SEC24B: variants seen among roughly 807,000 people sequenced by gnomAD.
The protein encoded by SEC24B is SEC24 homolog B, COPII component, also known as protein transport protein Sec24B.
A neutral mutation model predicts 142.8 loss-of-function variants in SEC24B; 45 were observed. The ratio of observed to expected loss-of-function variants is 0.32; its 90% CI spans 0.25 to 0.40. The LOEUF is 0.40. Ranked by LOEUF, SEC24B falls within the 10% of genes least tolerant of loss-of-function variation. The pLI, the probability that SEC24B is intolerant of heterozygous loss-of-function variation, is 1.00. For missense variants in SEC24B, 1,409 were observed against 1,526.8 expected (o/e 0.92, Z 1.29); for synonymous variants, 574 against 568.2 (o/e 1.01, Z -0.15).
rs549249076 is a variant in SEC24B, at chr4:109,521,135, C to T, written c.2264C>T (p.Pro755Leu). 119 of 1,516,930 alleles carry T rather than the reference C, an allele frequency of 7.8e-5. No individual in the cohort carries two copies. Among genetic ancestry groups the T allele is most frequent in the East Asian group, 2.5e-4 (11 of 44,260 alleles). The allele number at this position is 1,516,930 out of a possible 1,614,324, so 94.0% of individuals were successfully genotyped here. A position where few individuals can be genotyped will look rare whatever the true frequency, so the allele number is the denominator to read the frequency against. Residue 755 changes from proline to leucine, a missense_variant, in exon 13 of 24, where the codon CCG becomes CTG. Coordinates refer to ENST00000265175, the MANE Select transcript of SEC24B (RefSeq NM_006323.5). ...CCTATAGATGTTTTTCTACCTACAC[C>T]GGATAGTTTACTTGTGAATCTATAT... Reference protein sequence around the residue: ...SDIDDVFLPTPDSLLVNLYES... With the variant: ...SDIDDVFLPTLDSLLVNLYES...
At chr4:109,501,140 T>C (rs753375052) in intron 6 of SEC24B, among the ~76,000 whole-genome samples, 1 of 152,226 alleles carries the variant, frequency 6.6e-6, no homozygotes, top group Non-Finnish European at 1.5e-5. Flanking sequence ...CCATTTTGTA[T>C]CTTTTATACT....
intron 8 of SEC24B, among the ~76,000 whole-genome samples, chr4:109,510,860 T>G: frequency 6.6e-6 from 1 of 152,170 alleles, no homozygotes. Flanking sequence ...TTTCTTTTGC[T>G]GTCATTCATC....
intron 1 of SEC24B, among the ~76,000 whole-genome samples, chr4:109,446,777 A>G (rs1304082077): frequency 1.3e-5 from 2 of 152,248 alleles, no homozygotes; most frequent in East Asian, 1.9e-4. Flanking sequence ...TTTAAGTAGC[A>G]TGTAGTATTC....
At chr4:109,460,423 T>A (rs1011359388) in intron 1 of SEC24B, among the ~76,000 whole-genome samples, 1 of 152,162 alleles carries the variant, frequency 6.6e-6, no homozygotes, top group South Asian at 2.1e-4. Context: ...GATACCTGTT[T>A]CCTTCCACAA....
At chr4:109,517,131 A>G (rs552477089) in intron 11 of SEC24B, among the ~76,000 whole-genome samples, 42 of 152,368 alleles carry the variant, frequency 2.8e-4, no homozygotes, top group South Asian at 1.4e-3. Context: ...ATATCCAAAG[A>G]AAATAAAATC....
rs543699200 is a variant in SEC24B at position 109,459,745 on chromosome 4, C to T, written c.134-3156C>T. On this transcript the variant is annotated intron_variant, in intron 1 of 23. Transcript: ENST00000265175. ...AAGAATGACATTTGAATAGTTGGGA[C>T]ATAATGATTATTTCTCGTTTCAGAT... Among the ~76,000 whole-genome samples the T allele has an allele frequency of 2.0e-5, 3 of 152,248 alleles. No individual in the cohort carries two copies. The South Asian group carries it at 6.2e-4, about 32-fold the overall frequency.
intron 19 of SEC24B, 44 bp from the exon 20 acceptor site, chr4:109,531,341 C>T: frequency 6.6e-7 from 1 of 1,522,230 alleles, no homozygotes; most frequent in Non-Finnish European, 9.0e-7. Flanking sequence ...ATTTGTCCAC[C>T]ATATTTGTAT....
At chr4:109,493,677 G>A (rs1006591280) in intron 5 of SEC24B, among the ~76,000 whole-genome samples, 2 of 151,124 alleles carry the variant, frequency 1.3e-5, no homozygotes, top group Non-Finnish European at 2.9e-5. Context: ...GGCCCAGGCT[G>A]GAGTGCAATG....
intron 14 of SEC24B, among the ~76,000 whole-genome samples, chr4:109,523,904 C>A (rs1198403442): frequency 6.6e-6 from 1 of 151,904 alleles, no homozygotes; most frequent in Non-Finnish European, 1.5e-5. Context: ...CACCAATATG[C>A]TAGAGAAAAA....
At chr4:109,440,055 G>A (rs1480258097) in intron 1 of SEC24B, among the ~76,000 whole-genome samples, 1 of 151,670 alleles carries the variant, frequency 6.6e-6, no homozygotes, top group Non-Finnish European at 1.5e-5. Context: ...GGGAGGTGGA[G>A]GTCGTGGTGA....
chr4:109,491,226 T>C, intron 4 of SEC24B, 101 bp from the exon 5 acceptor site: 1 of 823,646 alleles, frequency 1.2e-6, no homozygotes, highest in Non-Finnish European at 2.0e-6. Context: ...GAATCAGGAA[T>C]TTTCCTAGTT....
intron 3 of SEC24B, among the ~76,000 whole-genome samples, chr4:109,476,513 A>T (rs867597859): frequency 4.7e-5 from 6 of 126,684 alleles, no homozygotes; most frequent in African/African-American, 5.6e-5. Context: ...TTTCATACAT[A>T]TAATTGCTGA....
chr4:109,437,559 C>T (rs755213611), intron 1 of SEC24B, among the ~76,000 whole-genome samples: 18 of 152,130 alleles, frequency 1.2e-4, no homozygotes, highest in Non-Finnish European at 2.2e-4. Context: ...CAAAGTCTTG[C>T]GATTATAGGT....
At chr4:109,529,763 A>G (rs536970157) in intron 18 of SEC24B, among the ~76,000 whole-genome samples, 2 of 152,322 alleles carry the variant, frequency 1.3e-5, no homozygotes, top group South Asian at 4.1e-4. Flanking sequence ...GTTTGTAGAC[A>G]GGGTCTTGCT....
intron 20 of SEC24B, among the ~76,000 whole-genome samples, chr4:109,532,432 T>A (rs1026349466): frequency 6.6e-6 from 1 of 152,200 alleles, no homozygotes; most frequent in East Asian, 1.9e-4. Context: ...TCATTTTATG[T>A]ATTCATGTTT....
intron 3 of SEC24B, among the ~76,000 whole-genome samples, chr4:109,475,708 C>T (rs867780091): frequency 6.6e-6 from 1 of 152,032 alleles, no homozygotes; most frequent in African/African-American, 2.4e-5. Flanking sequence ...GGAATGATAC[C>T]TACCATCGTC....
At chr4:109,449,048 TGAA>T in intron 1 of SEC24B, among the ~76,000 whole-genome samples, 1 of 152,222 alleles carries the variant, frequency 6.6e-6, no homozygotes, top group African/African-American at 2.4e-5. Flanking sequence ...ATTGTGTGTA[TGAA>T]TTTTTCGTAA....
intron 7 of SEC24B, among the ~76,000 whole-genome samples, chr4:109,507,520 C>T (rs781632005): frequency 1.3e-5 from 2 of 152,132 alleles, no homozygotes; most frequent in Non-Finnish European, 2.9e-5. Flanking sequence ...GTGACCTGCC[C>T]GCCTTGGCCT....
intron 12 of SEC24B, among the ~76,000 whole-genome samples, 183 bp downstream of exon 12, chr4:109,520,667 A>G (rs1369492825): frequency 6.6e-6 from 1 of 152,218 alleles, no homozygotes; most frequent in Non-Finnish European, 1.5e-5. Flanking sequence ...ACACACATGT[A>G]TGTATAATAT....
Sources: allele counts gnomAD v4.1 joint callset (sites outside exome capture counted in the v4.1 genomes callset), GRCh38; gene constraint gnomAD v4.1.1; transcripts MANE v1.5; gene names NCBI Gene and HGNC (gene_info 2026-07-23, HGNC 2026-07-21).